HEATR5B: variants seen among roughly 807,000 people sequenced by gnomAD.
HEATR5B encodes HEAT repeat-containing protein 5B.
HEATR5B carries 156 observed loss-of-function variants against 224.1 expected under a neutral mutation model. The observed-to-expected ratio is 0.70, with a 90% CI of 0.61 to 0.80. The LOEUF is 0.80. Among genes scored for constraint, HEATR5B ranks in the 30% least tolerant of loss-of-function variants. The pLI, the probability that HEATR5B is intolerant of heterozygous loss-of-function variation, is 0.00. For synonymous variants in HEATR5B, 1,027 were observed against 893.0 expected (o/e 1.15, Z -2.68); for missense variants, 2,323 against 2,535.5 (o/e 0.92, Z 1.80).
rs573625591 is a variant in HEATR5B, at chr2:37,002,562, A to T, written c.5061T>A (p.Asp1687Glu). ...ATACGGTACAGGCCTCTTTTTCCAT[A>T]TCATCTTCATCTGAGGTAAAAGATA... ...QEKRNTLNED[D>E]MEKEACTVLG... Residue 1687 changes from aspartate to glutamate, a missense_variant, in exon 32 of 36, where the codon GAT (aspartate) becomes GAA (glutamate). Around this residue, in one of 12 missense-constraint regions of HEATR5B, gnomAD observed 844 missense variants for 812.9 expected, o/e 1.04. Coordinates refer to ENST00000233099, the MANE Select transcript of HEATR5B (RefSeq NM_019024.3). 6 of 1,612,890 alleles carry T rather than the reference A, an allele frequency of 3.7e-6. No individual in the cohort carries two copies. In the South Asian group the frequency reaches 4.4e-5, roughly 12 times the overall value.
chr2:37,058,394 T>A (rs956608265), intron 14 of HEATR5B, 57 bp downstream of exon 14: 1 of 968,448 alleles, frequency 1.0e-6, no homozygotes, highest in Non-Finnish European at 1.7e-6. Flanking sequence ...GACTCTATAA[T>A]ACGGTGAAGA....
chr2:37,003,913 T>A (rs1667253062), intron 30 of HEATR5B, among the ~76,000 whole-genome samples: 1 of 152,226 alleles, frequency 6.6e-6, no homozygotes, highest in African/African-American at 2.4e-5. Context: ...CATATTTAAA[T>A]GTGCTTTATA....
At chr2:37,052,457 G>A (rs533958541) in intron 17 of HEATR5B, among the ~76,000 whole-genome samples, 4 of 152,268 alleles carry the variant, frequency 2.6e-5, no homozygotes, top group East Asian at 1.9e-4. Flanking sequence ...TGTAATTTGC[G>A]ATGGGACAGC....
intron 31 of HEATR5B, among the ~76,000 whole-genome samples, chr2:37,003,124 G>A (rs1667195068): frequency 6.6e-6 from 1 of 151,856 alleles, no homozygotes; most frequent in South Asian, 2.1e-4. Context: ...GCATTGTGGA[G>A]TGTGTCTGTA....
chr2:37,039,878 T>C lies in HEATR5B; in HGVS notation c.3046+451A>G, dbSNP rs567049958. 5.3e-5 allele frequency among the ~76,000 whole-genome samples: 8 copies of C among 152,322 alleles called. No homozygotes were observed. The South Asian group carries it at 1.0e-3, about 20-fold the overall frequency. On this transcript the variant is annotated intron_variant, in intron 20 of 35. Coordinates refer to ENST00000233099, the MANE Select transcript of HEATR5B (RefSeq NM_019024.3). The stretch of plus-strand genomic sequence containing the variant: ...TATCTTCTCGCAGTTTACTTCCTCA[T>C]AGAAAATTAGCTAATATCTTTTTCC...
Position 37,031,054 on chromosome 2 carries a change from T to C in HEATR5B, c.3361+1575A>G, listed in dbSNP as rs555168233. 2.5e-3 allele frequency among the ~76,000 whole-genome samples: 377 copies of C among 152,354 alleles called. 5 individuals carry two copies. Among genetic ancestry groups the C allele is most frequent in the Admixed American group, 3.9e-3 (59 of 15,306 alleles). ...AGCCCCCAATAAAAACATTGGGCATTAAGTCTTTAATAAGCTTCTCTGGGA... is the reference window on the plus strand; with the variant it reads ...AGCCCCCAATAAAAACATTGGGCATCAAGTCTTTAATAAGCTTCTCTGGGA... On this transcript the variant is annotated intron_variant, in intron 22 of 35. Transcript: ENST00000233099.
chr2:37,084,091 G>C (rs1368664614), intron 1 of HEATR5B, among the ~76,000 whole-genome samples, 178 bp downstream of exon 1: 2 of 152,172 alleles, frequency 1.3e-5, no homozygotes, highest in Non-Finnish European at 2.9e-5. Context: ...AGAGGCCGCC[G>C]CAAGCCTCCG....
At chr2:36,999,324 T>A (rs886085654) in intron 33 of HEATR5B, among the ~76,000 whole-genome samples, 3 of 152,218 alleles carry the variant, frequency 2.0e-5, no homozygotes, top group Non-Finnish European at 2.9e-5. Flanking sequence ...CTCTCCTGTT[T>A]TATTATTTTT....
chr2:37,036,379 G>T lies in HEATR5B; in HGVS notation c.3216+1476C>A, dbSNP rs574571402. Among the ~76,000 whole-genome samples, 3 of 152,242 alleles carry T rather than the reference G, an allele frequency of 2.0e-5. No homozygotes were observed. In the South Asian group the frequency reaches 6.2e-4, roughly 32 times the overall value. On this transcript the variant is annotated intron_variant, in intron 21 of 35. Coordinates refer to ENST00000233099, the MANE Select transcript of HEATR5B (RefSeq NM_019024.3). ...ACACTAACTAATTGGCTCTTTAAAT[G>T]TATGACAGCCCTTCCCAGTTTAGGG...
chr2:36,989,962 G>A (rs1171786166), intron 34 of HEATR5B, among the ~76,000 whole-genome samples: 2 of 139,040 alleles, frequency 1.4e-5, no homozygotes, highest in African/African-American at 2.7e-5. Context: ...CTGGAGTGGT[G>A]CAATGGCACA....
In HEATR5B at chr2:37,064,837, G is replaced by T; in HGVS notation, c.1487C>A (p.Thr496Asn). Reference protein sequence around the residue: ...RCAERLNNLKTSPEAVSGYSF... With the variant: ...RCAERLNNLKNSPEAVSGYSF... Reference sequence around the variant, plus strand: ...ATATCCACTGACAGCTTCTGGTGAGGTCTTCAAGTTGTTGAGCCGTTCTGC... The same window carrying T: ...ATATCCACTGACAGCTTCTGGTGAGTTCTTCAAGTTGTTGAGCCGTTCTGC... Residue 496 changes from threonine (T) to asparagine (N), a missense_variant, in exon 10 of 36, where the codon ACC becomes AAC. Thr to Asn is a moderately conservative substitution (Grantham distance 65). Coordinates refer to ENST00000233099, the MANE Select transcript of HEATR5B (RefSeq NM_019024.3). 6.2e-7 allele frequency: 1 copy of T among 1,614,076 alleles called. No individual in the cohort carries two copies.
chr2:37,075,587 A>G lies in HEATR5B; in HGVS notation c.495T>C (p.Ser165=). ...EILMSLQKVL[S]GLGGAAASSH... is the part of the protein sequence containing the mutation. ...AGGAAGCTGCTGCACCACCCAGTCC[A>G]CTTAGAACTTTCTGTAGACTCATTA... Residue 165 remains serine (S), a synonymous_variant, in exon 5 of 36, where the codon AGT becomes AGC. Transcript: ENST00000233099. 2 of 1,613,830 alleles carry G rather than the reference A, an allele frequency of 1.2e-6. No homozygotes were observed. The highest frequency in any genetic ancestry group is 1.7e-6 in the Non-Finnish European group (2 of 1,179,748).
intron 11 of HEATR5B, 71 bp from the exon 12 acceptor site, chr2:37,060,804 G>A (rs560559013): frequency 3.9e-6 from 5 of 1,283,014 alleles, no homozygotes; most frequent in Admixed American, 2.1e-5. Flanking sequence ...CAAGCAAAAT[G>A]AGCCCAACAC....
At chr2:37,006,133 T>C (rs1256701611) in intron 29 of HEATR5B, among the ~76,000 whole-genome samples, 1 of 151,816 alleles carries the variant, frequency 6.6e-6, no homozygotes, top group Non-Finnish European at 1.5e-5. Flanking sequence ...GCATACAAAG[T>C]TTTTAAATGG....
At chr2:37,053,195 G>C (rs947990323) in intron 17 of HEATR5B, among the ~76,000 whole-genome samples, 5 of 152,184 alleles carry the variant, frequency 3.3e-5, no homozygotes, top group Non-Finnish European at 7.3e-5. Flanking sequence ...GCTCTATTTA[G>C]TTAACCTTCA....
chr2:36,999,868 C>T (rs1168071049), intron 33 of HEATR5B, among the ~76,000 whole-genome samples: 5 of 151,208 alleles, frequency 3.3e-5, no homozygotes, highest in African/African-American at 4.9e-5. Flanking sequence ...AAAAATTAAC[C>T]GGGTGTGTTG....
intron 26 of HEATR5B, 92 bp downstream of exon 26, chr2:37,019,717 A>G: frequency 1.1e-6 from 1 of 923,282 alleles, no homozygotes. Context: ...TTGGTCTCCC[A>G]AATTTTTCTC....
At chr2:36,995,524 A>C (rs915631724) in intron 33 of HEATR5B, among the ~76,000 whole-genome samples, 1 of 152,220 alleles carries the variant, frequency 6.6e-6, no homozygotes, top group African/African-American at 2.4e-5. Flanking sequence ...AATAAAACTA[A>C]AGTTATCCCT....
rs148038147 is a variant in HEATR5B, at chr2:37,029,548, C to G, written c.3362-628G>C. On this transcript the variant is annotated intron_variant, in intron 22 of 35. Coordinates refer to ENST00000233099, the MANE Select transcript of HEATR5B (RefSeq NM_019024.3). ...GCATGGTGGCGGGTGTCTGTAATCCCAGCTACTCAGAAGGCTGAGGCAGGA... is the reference window on the plus strand; with the variant it reads ...GCATGGTGGCGGGTGTCTGTAATCCGAGCTACTCAGAAGGCTGAGGCAGGA... 1.3e-3 allele frequency among the ~76,000 whole-genome samples: 192 copies of G among 152,192 alleles called. 3 individuals carry two copies. The East Asian group carries it at 0.033, about 26-fold the overall frequency.
Sources: allele counts gnomAD v4.1 joint callset (sites outside exome capture counted in the v4.1 genomes callset), GRCh38; gene constraint gnomAD v4.1.1; regional missense constraint gnomAD v4.1.1; transcripts MANE v1.5; gene names NCBI Gene and HGNC (gene_info 2026-07-23, HGNC 2026-07-21).